The following GPR39 variants were observed in gnomAD, a reference collection of about 807,000 sequenced individuals.
GPR39 encodes the protein zinc sensing receptor.
In GPR39, 23 loss-of-function variants were observed where a neutral mutation model predicts 18.4. The observed-to-expected ratio is 1.25, with a 90% confidence interval of 0.90 to 1.77. GPR39 has a LOEUF of 1.77. Ranked by LOEUF, GPR39 falls within the 40% of genes most tolerant of loss-of-function variation. The pLI is 0.00. For missense variants in GPR39, 647 were observed against 602.4 expected (o/e 1.07, Z -0.78); for synonymous variants, 280 against 257.9 (o/e 1.09, Z -0.82).
At chr2:132,468,623 C>G (rs530548135) in intron 1 of GPR39, among the ~76,000 whole-genome samples, 3 of 152,310 alleles carry the variant, frequency 2.0e-5, no homozygotes, top group African/African-American at 7.2e-5. Flanking sequence ...TGGGTCAACC[C>G]AACCTTTGCC....
chr2:132,424,964 C>T (rs895118379), intron 1 of GPR39, among the ~76,000 whole-genome samples: 3 of 152,104 alleles, frequency 2.0e-5, no homozygotes, highest in South Asian at 2.1e-4. Flanking sequence ...TTTCCCAGCA[C>T]GGAGGCCCAA....
chr2:132,540,130 T>C (rs1296425187), intron 1 of GPR39, among the ~76,000 whole-genome samples: 1 of 152,194 alleles, frequency 6.6e-6, no homozygotes, highest in Non-Finnish European at 1.5e-5. Context: ...CCTGTACCCT[T>C]ATCTGCTAAA....
rs547369828 is a variant in GPR39, at chr2:132,557,046, T to C, written c.857-88055T>C. ...AACCTTAACTTATGGCCAGGTATGGTGGCTCATGCCTGTAATCCTGGCACT... is the reference window on the plus strand; with the variant it reads ...AACCTTAACTTATGGCCAGGTATGGCGGCTCATGCCTGTAATCCTGGCACT... On this transcript the variant is annotated intron_variant, in intron 1 of 1. Coordinates refer to ENST00000329321, the MANE Select transcript of GPR39 (RefSeq NM_001508.3). Among the ~76,000 whole-genome samples the C allele has an allele frequency of 6.0e-5, 9 of 150,998 alleles. No individual in the cohort carries two copies. The East Asian group carries it at 6.0e-4, about 10-fold the overall frequency.
chr2:132,572,727 G>A (rs1680463490), intron 1 of GPR39, among the ~76,000 whole-genome samples: 1 of 152,172 alleles, frequency 6.6e-6, no homozygotes, highest in African/African-American at 2.4e-5. Context: ...GTAGCAACAA[G>A]TTTACACTCT....
At chr2:132,486,353 CG>C (rs1681339607) in intron 1 of GPR39, among the ~76,000 whole-genome samples, 2 of 152,150 alleles carry the variant, frequency 1.3e-5, no homozygotes, top group African/African-American at 4.8e-5. Flanking sequence ...TGCATTAGCC[CG>C]TAACAAGACA....
intron 1 of GPR39, among the ~76,000 whole-genome samples, chr2:132,633,167 C>T (rs575271128): frequency 5.3e-5 from 8 of 152,298 alleles, no homozygotes; most frequent in African/African-American, 1.2e-4. Flanking sequence ...CTTGTCATTT[C>T]ACCTGGACGG....
chr2:132,562,291 A>G (rs894873866), intron 1 of GPR39, among the ~76,000 whole-genome samples: 6 of 152,148 alleles, frequency 3.9e-5, no homozygotes, highest in African/African-American at 1.4e-4. Context: ...ATTGGATTAT[A>G]TTTGATCCCC....
At chr2:132,446,964 G>A (rs1452180430) in intron 1 of GPR39, among the ~76,000 whole-genome samples, 1 of 152,202 alleles carries the variant, frequency 6.6e-6, no homozygotes, top group Non-Finnish European at 1.5e-5. Context: ...AGATGACCCA[G>A]CCAGGTCCCA....
intron 1 of GPR39, among the ~76,000 whole-genome samples, chr2:132,492,512 TACCATATATATAC>T (rs200718340): frequency 0.06 from 8,244 of 136,370 alleles, 787 homozygotes; most frequent in East Asian, 0.42. Context: ...ACACCATATA[TACCATATATATAC>T]ACCATATATA....
At chr2:132,518,030 T>C (rs1046475969) in intron 1 of GPR39, among the ~76,000 whole-genome samples, 1 of 152,242 alleles carries the variant, frequency 6.6e-6, no homozygotes, top group African/African-American at 2.4e-5. Flanking sequence ...ACAAGTGGCT[T>C]ATATTCTTCA....
intron 1 of GPR39, among the ~76,000 whole-genome samples, chr2:132,431,573 G>A (rs1680224556): frequency 6.6e-6 from 1 of 152,178 alleles, no homozygotes. Context: ...GAGAGGCCAG[G>A]AGGCTGCTCT....
At chr2:132,623,966 G>A (rs1378653325) in intron 1 of GPR39, among the ~76,000 whole-genome samples, 2 of 152,072 alleles carry the variant, frequency 1.3e-5, no homozygotes, top group African/African-American at 4.8e-5. Context: ...AGATCCTTCT[G>A]CCTCCCTGGA....
chr2:132,473,174 C>T (rs1056791371), intron 1 of GPR39, among the ~76,000 whole-genome samples: 1 of 152,150 alleles, frequency 6.6e-6, no homozygotes, highest in Non-Finnish European at 1.5e-5. Flanking sequence ...GAGTGCTGTT[C>T]TTCTTTTGTA....
intron 1 of GPR39, among the ~76,000 whole-genome samples, chr2:132,607,770 A>G (rs905506758): frequency 1.3e-5 from 2 of 151,830 alleles, no homozygotes; most frequent in African/African-American, 4.8e-5. Context: ...AGCTGCAAAA[A>G]CTCTTTCAAT....
At chr2:132,447,232 A>G (rs1200303882) in intron 1 of GPR39, among the ~76,000 whole-genome samples, 1 of 152,166 alleles carries the variant, frequency 6.6e-6, no homozygotes, top group Non-Finnish European at 1.5e-5. Context: ...GATTCTGTTC[A>G]TATATAGTTA....
At chr2:132,485,171 T>C (rs1259308397) in intron 1 of GPR39, among the ~76,000 whole-genome samples, 1 of 152,250 alleles carries the variant, frequency 6.6e-6, no homozygotes, top group African/African-American at 2.4e-5. Context: ...TATAAAATTT[T>C]TGTTTACACA....
At chr2:132,427,611 C>T (rs1680150738) in intron 1 of GPR39, among the ~76,000 whole-genome samples, 1 of 150,534 alleles carries the variant, frequency 6.6e-6, no homozygotes, top group South Asian at 2.1e-4. Flanking sequence ...TTTGAGTCTA[C>T]TTTCTATGTG....
chr2:132,582,798 A>T lies in GPR39; in HGVS notation c.857-62303A>T, dbSNP rs144813260. On this transcript the variant is annotated intron_variant, in intron 1 of 1. Coordinates refer to ENST00000329321, the MANE Select transcript of GPR39 (RefSeq NM_001508.3). Reference sequence around the variant, plus strand: ...CCTTTTTTACCTCACTACCTACAGCAGTACTTTTCAATCTGCAGGTTGCAA... The same window carrying T: ...CCTTTTTTACCTCACTACCTACAGCTGTACTTTTCAATCTGCAGGTTGCAA... Among the ~76,000 whole-genome samples, 4 of 152,188 alleles carry T rather than the reference A, an allele frequency of 2.6e-5. No homozygotes were observed. In the East Asian group the frequency reaches 7.7e-4, roughly 29 times the overall value.
At chr2:132,504,763 A>G (rs963827884) in intron 1 of GPR39, among the ~76,000 whole-genome samples, 1 of 151,442 alleles carries the variant, frequency 6.6e-6, no homozygotes, top group Non-Finnish European at 1.5e-5. Flanking sequence ...CACACCCATA[A>G]AATCCTAGTA....
Sources: allele counts gnomAD v4.1 joint callset (sites outside exome capture counted in the v4.1 genomes callset), GRCh38; gene constraint gnomAD v4.1.1; transcripts MANE v1.5; gene names NCBI Gene and HGNC (gene_info 2026-07-23, HGNC 2026-07-21).